Variants in LAG3 observed in about 807,000 individuals in gnomAD.
The protein encoded by LAG3 is lymphocyte activating 3.
Under a neutral mutation model 49.0 loss-of-function variants are expected in LAG3, and 29 were observed. The ratio of observed to expected loss-of-function variants is 0.59; its 90% CI spans 0.44 to 0.81. The LOEUF is 0.81. LAG3 is among the 30% of genes least tolerant of loss of function. The pLI is 0.00. For missense variants in LAG3, 693 were observed against 695.2 expected, an observed-to-expected ratio of 1.00 and a Z score of 0.04; for synonymous variants, 320 against 297.3, an observed-to-expected ratio of 1.08 and a Z score of -0.79.
In LAG3 at chr12:6,775,292, C is replaced by T. The variant is rs140158717; in HGVS notation, c.801C>T (p.Pro267=). Residue 267 remains proline (P), a synonymous_variant, in exon 5 of 8, where the codon CCC becomes CCT. Coordinates refer to ENST00000203629, the MANE Select transcript of LAG3 (RefSeq NM_002286.6). ...CTTCAGGTCTGGAGCCCCCAACTCC[C>T]TTGACAGTGTACGCTGGAGCAGGTT... ...LTVLGLEPPT[P]LTVYAGAGSR... is the part of the protein sequence containing the mutation. The T allele has an allele frequency of 1.2e-6, 2 of 1,614,140 alleles. No homozygotes were observed. Among genetic ancestry groups the T allele is most frequent in the East Asian group, 2.2e-5 (1 of 44,872 alleles).
intron 3 of LAG3, among the ~76,000 whole-genome samples, chr12:6,774,263 G>T (rs551450830): frequency 9.9e-5 from 15 of 152,216 alleles, no homozygotes; most frequent in African/African-American, 2.9e-4. Context: ...GGAGGGGGAG[G>T]GGGGGAGAGC....
chr12:6,774,051 C>T, intron 3 of LAG3, 50 bp downstream of exon 3: 2 of 1,374,572 alleles, frequency 1.5e-6, no homozygotes, highest in South Asian at 1.7e-5. Flanking sequence ...GGTCCCCATC[C>T]CCTGCCTCCC....
chr12:6,772,927 G>A lies in LAG3; in HGVS notation c.58+17G>A, dbSNP rs762316457. The A allele has an allele frequency of 7.4e-6, 12 of 1,612,482 alleles. No individual in the cohort carries two copies. The highest frequency in any genetic ancestry group is 4.0e-5 in the African/African-American group (3 of 74,862). Reference sequence around the variant, plus strand: ...TGGCTCCAGGTAAAACGGGGATGGCGGGAGGGTTGACCTCCAGCCCCACAG... The same window carrying A: ...TGGCTCCAGGTAAAACGGGGATGGCAGGAGGGTTGACCTCCAGCCCCACAG... On this transcript the variant is annotated intron_variant, in intron 1 of 7. Coordinates refer to ENST00000203629, the MANE Select transcript of LAG3 (RefSeq NM_002286.6).
chr12:6,773,179 T>G lies in LAG3; in HGVS notation c.59-13T>G. 1 of 1,605,948 alleles carries G rather than the reference T, an allele frequency of 6.2e-7. No individual in the cohort carries two copies. Among genetic ancestry groups the G allele is most frequent in the Non-Finnish European group, 8.5e-7 (1 of 1,177,080 alleles). ...CACGCCCCCTCCCCTTGGCCTCTCT[T>G]TTGCTCACCTAGTGAAGCCTCTCCA... On this transcript the variant is annotated splice_polypyrimidine_tract_variant and intron_variant, in intron 1 of 7. Coordinates refer to ENST00000203629, the MANE Select transcript of LAG3 (RefSeq NM_002286.6). The surrounding 1 kb of genome is among the most constrained non-coding windows in gnomAD (Gnocchi z 5.5).
Position 6,775,333 on chromosome 12 carries a change from C to T in LAG3, c.842C>T (p.Pro281Leu). Residue 281 changes from proline (P) to leucine (L), a missense_variant, in exon 5 of 8, where the codon CCC (proline) becomes CTC (leucine). Pro to Leu is a moderately conservative substitution (Grantham distance 98). Coordinates refer to ENST00000203629, the MANE Select transcript of LAG3 (RefSeq NM_002286.6). ...YAGAGSRVGL[P>L]CRLPAGVGTR... is the part of the protein sequence containing the mutation. Reference sequence around the variant, plus strand: ...GGAGCAGGTTCCAGGGTGGGGCTGCCCTGCCGCCTGCCTGCTGGTGTGGGG... The same window carrying T: ...GGAGCAGGTTCCAGGGTGGGGCTGCTCTGCCGCCTGCCTGCTGGTGTGGGG... 6.2e-7 allele frequency: 1 copy of T among 1,614,206 alleles called. No homozygotes were observed. The highest frequency in any genetic ancestry group is 8.5e-7 in the Non-Finnish European group (1 of 1,180,042).
rs1941932378 is a variant in LAG3 at position 6,778,343 on chromosome 12, G to C, written c.1531G>C (p.Glu511Gln). Residue 511 changes from glutamate (E) to glutamine (Q), a missense_variant, in exon 8 of 8, where the codon GAG (glutamate) becomes CAG (glutamine). Coordinates refer to ENST00000203629, the MANE Select transcript of LAG3 (RefSeq NM_002286.6). ...ELEQEPEPEP[E>Q]PEPEPEPEPE... ...GGAGCAAGAACCGGAGCCGGAGCCG[G>C]AGCCGGAACCGGAGCCCGAGCCCGA... 1 of 1,613,020 alleles carries C rather than the reference G, an allele frequency of 6.2e-7. No homozygotes were observed. The highest frequency in any genetic ancestry group is 1.3e-5 in the African/African-American group (1 of 74,976).
At chr12:6,774,351 C>CA (rs1261709435) in intron 3 of LAG3, among the ~76,000 whole-genome samples, 3 of 152,164 alleles carry the variant, frequency 2.0e-5, no homozygotes, top group East Asian at 1.9e-4. Flanking sequence ...AGGAAAACGG[C>CA]AAGGGTGGCT....
At chr12:6,777,242 C>G (rs1282243621) in intron 5 of LAG3, 22 bp from the exon 6 acceptor site, 2 of 1,613,524 alleles carry the variant, frequency 1.2e-6, no homozygotes, top group East Asian at 4.5e-5. Context: ...CCCAAAAGAT[C>G]TCTTCCTTCT....
intron 5 of LAG3, among the ~76,000 whole-genome samples, chr12:6,776,410 C>T (rs1035370574): frequency 6.6e-6 from 1 of 152,190 alleles, no homozygotes; most frequent in Admixed American, 6.5e-5. Context: ...TCTTTCTGTC[C>T]AATGCCCTCT....
At chr12:6,775,737 C>T (rs958407991) in intron 5 of LAG3, 189 bp downstream of exon 5, 4 of 604,408 alleles carry the variant, frequency 6.6e-6, no homozygotes, top group African/African-American at 5.6e-5. Flanking sequence ...CTGAAAATCT[C>T]CTCTTGAGTC....
In LAG3 at chr12:6,772,629, T is replaced by A; in HGVS notation, c.-224T>A. On this transcript the variant is annotated 5_prime_UTR_variant, in exon 1 of 8. Coordinates refer to ENST00000203629, the MANE Select transcript of LAG3 (RefSeq NM_002286.6). ...CACCCCCGCCCCCACCTCCTCAGGC[T>A]GCCTGATCTGCCCAGCTTTCCAGCT... is the stretch of plus-strand genomic sequence containing the variant. 4 of 432,744 alleles carry A rather than the reference T, an allele frequency of 9.2e-6. No individual in the cohort carries two copies. Among genetic ancestry groups the A allele is most frequent in the Admixed American group, 7.5e-5 (2 of 26,532 alleles). 26.8% of individuals were successfully genotyped at this position (432,744 alleles called of 1,614,324 possible).
rs533855761 is a variant in LAG3 at position 6,778,370 on chromosome 12, C to A, written c.1558C>A (p.Pro520Thr). 2 of 1,611,668 alleles carry A rather than the reference C, an allele frequency of 1.2e-6. No individual in the cohort carries two copies. Among genetic ancestry groups the A allele is most frequent in the Non-Finnish European group, 8.5e-7 (1 of 1,179,946 alleles). The change falls in exon 8 of 8, where the codon CCC becomes ACC. Residue 520 changes from proline (P) to threonine (T), a missense_variant. By Grantham distance (38) the Pro-to-Thr change is conservative (BLOSUM62 -1). Coordinates refer to ENST00000203629, the MANE Select transcript of LAG3 (RefSeq NM_002286.6). ...GCCGGAACCGGAGCCCGAGCCCGAGCCCGAGCCGGAGCAGCTCTGACCTGG... is the reference window on the plus strand; with the variant it reads ...GCCGGAACCGGAGCCCGAGCCCGAGACCGAGCCGGAGCAGCTCTGACCTGG... ...PEPEPEPEPEPEPEQL is the reference protein window; with the variant it reads ...PEPEPEPEPETEPEQL
chr12:6,773,112 C>G lies in LAG3; in HGVS notation c.59-80C>G. On this transcript the variant is annotated intron_variant, in intron 1 of 7. Coordinates refer to ENST00000203629, the MANE Select transcript of LAG3 (RefSeq NM_002286.6). This position sits in a 1 kb window ranked among gnomAD's most constrained non-coding sequence, Gnocchi z 5.5. ...TTCTTCCTGCACCCTGTTTCTCCCT[C>G]GGGAAACACCCAGGCTCCTTCTCTA... is the stretch of plus-strand genomic sequence containing the variant. 1 of 1,507,668 alleles carries G rather than the reference C, an allele frequency of 6.6e-7. No individual in the cohort carries two copies. Among genetic ancestry groups the G allele is most frequent in the South Asian group, 1.3e-5 (1 of 79,294 alleles). 93.4% of individuals were successfully genotyped at this position (1,507,668 alleles called of 1,614,324 possible).
intron 5 of LAG3, 99 bp from the exon 6 acceptor site, chr12:6,777,164 AC>A (rs1308919087): frequency 2.8e-5 from 40 of 1,430,186 alleles, no homozygotes; most frequent in Non-Finnish European, 3.7e-5. Flanking sequence ...CCTGGCCAGA[AC>A]CCAAGTGAGT....
At position 6,774,833 on chromosome 12, in the gene LAG3, C is replaced by T. The variant is rs1295298437; in HGVS notation, c.750C>T (p.Asn250=). The T allele has an allele frequency of 9.3e-6, 15 of 1,613,984 alleles. No individual in the cohort carries two copies. The African/African-American group carries it at 1.1e-4, about 11-fold the overall frequency. Residue 250 remains asparagine (N), a synonymous_variant, in exon 4 of 8, where the codon AAC becomes AAT. Transcript: ENST00000203629. ...TCCTCACCTACAGAGATGGCTTCAACGTCTCCATCATGTATAACCTCACTG... is the reference window on the plus strand; with the variant it reads ...TCCTCACCTACAGAGATGGCTTCAATGTCTCCATCATGTATAACCTCACTG... The part of the protein sequence containing the change: ...GCILTYRDGF[N]VSIMYNLTVL...
rs1941881456 is a variant in LAG3 at position 6,774,475 on chromosome 12, G to C, written c.512-120G>C. ...CTGAGATGGGGAGAGGGTGATGTGG[G>C]AGAGGAGAAGACAAGTCTAAAGCCA... On this transcript the variant is annotated intron_variant, in intron 3 of 7. Coordinates refer to ENST00000203629, the MANE Select transcript of LAG3 (RefSeq NM_002286.6). 5 of 1,118,044 alleles carry C rather than the reference G, an allele frequency of 4.5e-6. No homozygotes were observed. In the South Asian group the frequency reaches 7.6e-5, roughly 17 times the overall value. The allele number at this position is 1,118,044 out of a possible 1,614,324, so 69.3% of individuals were successfully genotyped here. A position where few individuals can be genotyped will look rare whatever the true frequency, so the allele number is the denominator to read the frequency against.
In LAG3 at chr12:6,778,373, G is replaced by A. The variant is rs200745592; in HGVS notation, c.1561G>A (p.Glu521Lys). 1 of 1,611,472 alleles carries A rather than the reference G, an allele frequency of 6.2e-7. No homozygotes were observed. The highest frequency in any genetic ancestry group is 1.3e-5 in the African/African-American group (1 of 75,022). Residue 521 changes from glutamate (E) to lysine (K), a missense_variant, in exon 8 of 8, where the codon GAG becomes AAG. Coordinates refer to ENST00000203629, the MANE Select transcript of LAG3 (RefSeq NM_002286.6). ...GGAACCGGAGCCCGAGCCCGAGCCCGAGCCGGAGCAGCTCTGACCTGGAGC... is the reference window on the plus strand; with the variant it reads ...GGAACCGGAGCCCGAGCCCGAGCCCAAGCCGGAGCAGCTCTGACCTGGAGC... ...EPEPEPEPEP[E>K]PEQL
At position 6,773,432 on chromosome 12, in the gene LAG3, C is replaced by A; in HGVS notation, c.206+93C>A. ...CTCTGTCCCCTGCCCTGAGGTGTCA[C>A]TCCCTCTGAAGCCAGTGACCCAGTC... On this transcript the variant is annotated intron_variant, in intron 2 of 7. Transcript: ENST00000203629. This position sits in a 1 kb window ranked among gnomAD's most constrained non-coding sequence, Gnocchi z 5.5. 6.8e-7 allele frequency: 1 copy of A among 1,467,414 alleles called. No homozygotes were observed. Among genetic ancestry groups the A allele is most frequent in the Non-Finnish European group, 9.3e-7 (1 of 1,077,372 alleles). The allele number at this position is 1,467,414 out of a possible 1,614,324, so 90.9% of individuals were successfully genotyped here. A position where few individuals can be genotyped will look rare whatever the true frequency, so the allele number is the denominator to read the frequency against.
rs1941920085 is a variant in LAG3, at chr12:6,777,467, C to G, written c.1261C>G (p.Leu421Val). 2 of 1,614,160 alleles carry G rather than the reference C, an allele frequency of 1.2e-6. No homozygotes were observed. The highest frequency in any genetic ancestry group is 8.5e-7 in the Non-Finnish European group (1 of 1,180,024). ...QCQLYQGERL[L>V]GAAVYFTELS... ...CCAGCTGTACCAGGGGGAGAGGCTTCTTGGAGCAGCAGTGTACTTCACAGA... is the reference window on the plus strand; with the variant it reads ...CCAGCTGTACCAGGGGGAGAGGCTTGTTGGAGCAGCAGTGTACTTCACAGA... Residue 421 changes from leucine to valine, a missense_variant, in exon 6 of 8, where the codon CTT becomes GTT. By Grantham distance (32) the Leu-to-Val change is conservative. Transcript: ENST00000203629.
Sources: gnomAD v4.1 joint callset for allele counts (sites outside exome capture counted in the v4.1 genomes callset) on GRCh38, gnomAD v4.1.1 for gene constraint, Gnocchi (gnomAD v3.1) non-coding constraint, MANE v1.5 for transcripts, NCBI Gene and HGNC (gene_info 2026-07-23, HGNC 2026-07-21) for gene names.